ZNF684: variants seen among roughly 807,000 people sequenced by gnomAD.
ZNF684 encodes zinc finger protein 684.
Under a neutral mutation model 12.8 loss-of-function variants are expected in ZNF684, and 13 were observed. The observed-to-expected ratio is 1.02, with a 90% CI of 0.66 to 1.62. ZNF684 has a LOEUF of 1.62. Among genes scored for constraint, ZNF684 ranks in the 40% most tolerant of loss-of-function variants. The probability of loss-of-function intolerance (pLI) is 0.00; values close to 1 mark genes in which losing one functional copy is unlikely to be tolerated. For synonymous variants in ZNF684, 118 were observed against 151.8 expected, an observed-to-expected ratio of 0.78 and a Z score of 1.64; for missense variants, 384 against 446.9, an observed-to-expected ratio of 0.86 and a Z score of 1.27.
intron 4 of ZNF684, among the ~76,000 whole-genome samples, chr1:40,543,458 C>CTT (rs200468567): frequency 3.0e-5 from 4 of 132,726 alleles, no homozygotes; most frequent in African/African-American, 1.1e-4. Context: ...ATACAGTTTT[C>CTT]TTTTTTTTTT....
At chr1:40,531,943 G>A (rs552104110) in intron 1 of ZNF684, among the ~76,000 whole-genome samples, 156 bp downstream of exon 1, 1 of 152,338 alleles carries the variant, frequency 6.6e-6, no homozygotes, top group Admixed American at 6.5e-5. Flanking sequence ...GAAAGCAAGA[G>A]TTGGGCTCCG....
At chr1:40,543,371 A>G (rs6678295) in intron 4 of ZNF684, among the ~76,000 whole-genome samples, 71,905 of 151,628 alleles carry the variant, frequency 0.47, 18,417 homozygotes, top group African/African-American at 0.65. Flanking sequence ...CCTCTATAAC[A>G]TGGTCCCATT....
At position 40,547,441 on chromosome 1, in the gene ZNF684, A is replaced by T. The variant is rs773429442; in HGVS notation, c.1118A>T (p.His373Leu). 4 of 1,602,130 alleles carry T rather than the reference A, an allele frequency of 2.5e-6. No individual in the cohort carries two copies. Among genetic ancestry groups the T allele is most frequent in the East Asian group, 2.2e-5 (1 of 44,632 alleles). ...AFSQKSNLIV[H>L]QKIHT is the part of the protein sequence containing the mutation. The stretch of plus-strand genomic sequence containing the variant: ...TCCCAGAAGTCAAATCTTATTGTAC[A>T]TCAGAAAATTCATACATAATATTCA... The change falls in exon 5 of 5, where the codon CAT becomes CTT. Residue 373 changes from histidine to leucine, a missense_variant. His to Leu is a moderately conservative substitution (Grantham distance 99, BLOSUM62 -3). Coordinates refer to ENST00000372699, the MANE Select transcript of ZNF684 (RefSeq NM_152373.4).
intron 2 of ZNF684, among the ~76,000 whole-genome samples, chr1:40,539,412 C>T (rs142455324): frequency 5.3e-4 from 81 of 152,170 alleles, no homozygotes; most frequent in African/African-American, 1.7e-3. Context: ...GTAGGAAGAT[C>T]GCTTGAGTCC....
rs113924805 is a variant in ZNF684, at chr1:40,535,627, A to G, written c.15+2446A>G. On this transcript the variant is annotated intron_variant, in intron 2 of 4. Transcript: ENST00000372699. Reference sequence around the variant, plus strand: ...TATTTTGTTTTTAATCAAGTTAAGGATTTTTAACTTGCAAAGATTATTTTA... The same window carrying G: ...TATTTTGTTTTTAATCAAGTTAAGGGTTTTTAACTTGCAAAGATTATTTTA... 1.6e-3 allele frequency among the ~76,000 whole-genome samples: 242 copies of G among 151,518 alleles called. 3 individuals are homozygous for G. The highest frequency in any genetic ancestry group is 2.0e-3 in the Non-Finnish European group (138 of 67,936).
chr1:40,534,614 A>T (rs1361602180), intron 2 of ZNF684, among the ~76,000 whole-genome samples: 1 of 151,942 alleles, frequency 6.6e-6, no homozygotes, highest in Non-Finnish European at 1.5e-5. Flanking sequence ...TTATTCTTAC[A>T]TATGGTTTTA....
intron 4 of ZNF684, among the ~76,000 whole-genome samples, chr1:40,543,519 A>T (rs1570112937): frequency 6.8e-6 from 1 of 146,656 alleles, no homozygotes; most frequent in Admixed American, 6.9e-5. Context: ...TGCAGTTGCG[A>T]GATCTGGGCT....
chr1:40,546,813 T>A lies in ZNF684; in HGVS notation c.490T>A (p.Cys164Ser). ...AGAAAACGCTTATGAATGCAGTGAA[T>A]GCGGGAAAGCCTTCAAAAAGAAGTT... ...TVENAYECSE[C>S]GKAFKKKFHF... The change falls in exon 5 of 5, where the codon TGC becomes AGC. Residue 164 changes from cysteine (C) to serine (S), a missense_variant. Physicochemically the swap from Cys to Ser is moderately radical, Grantham distance 112. Transcript: ENST00000372699. The A allele has an allele frequency of 6.2e-7, 1 of 1,611,942 alleles. No individual in the cohort carries two copies. The highest frequency in any genetic ancestry group is 8.5e-7 in the Non-Finnish European group (1 of 1,179,546).
chr1:40,544,061 A>G (rs1010614842), intron 4 of ZNF684, among the ~76,000 whole-genome samples: 3 of 151,808 alleles, frequency 2.0e-5, no homozygotes, highest in South Asian at 4.2e-4. Flanking sequence ...ATGGTATCCA[A>G]TGAATATTTT....
At chr1:40,535,372 AT>A (rs545336155) in intron 2 of ZNF684, among the ~76,000 whole-genome samples, 5 of 151,462 alleles carry the variant, frequency 3.3e-5, no homozygotes, top group African/African-American at 9.7e-5. Context: ...AGAATACTGT[AT>A]TTTTTTTTAT....
chr1:40,547,064 A>G lies in ZNF684; in HGVS notation c.741A>G (p.Gln247=), dbSNP rs1391854247. The G allele has an allele frequency of 1.2e-5, 20 of 1,614,214 alleles. No individual in the cohort carries two copies. Among genetic ancestry groups the G allele is most frequent in the Admixed American group, 6.7e-5 (4 of 60,016 alleles). ...GAGAGAAGCCTTATGAGTGCAGTCA[A>G]TGTGGGAAAACATTCACTTGGAACT... ...HTGEKPYECS[Q]CGKTFTWNSS... is the part of the protein sequence containing the mutation. The change falls in exon 5 of 5, where the codon CAA becomes CAG. Residue 247 remains glutamine, a synonymous_variant. Coordinates refer to ENST00000372699, the MANE Select transcript of ZNF684 (RefSeq NM_152373.4).
At chr1:40,541,546 AC>A in intron 3 of ZNF684, 68 bp from the exon 4 acceptor site, 1 of 1,265,064 alleles carries the variant, frequency 7.9e-7, no homozygotes, top group Non-Finnish European at 1.1e-6. Flanking sequence ...CAAGGAGGTA[AC>A]CCAAGTTGTG....
chr1:40,542,741 G>A (rs1026880375), intron 4 of ZNF684, among the ~76,000 whole-genome samples: 2 of 152,008 alleles, frequency 1.3e-5, no homozygotes, highest in African/African-American at 4.8e-5. Context: ...AATAATGAAT[G>A]GCCCCCTGCT....
intron 2 of ZNF684, among the ~76,000 whole-genome samples, chr1:40,539,186 C>T (rs1163753449): frequency 6.6e-6 from 1 of 151,974 alleles, no homozygotes; most frequent in Non-Finnish European, 1.5e-5. Context: ...CATGCCACCA[C>T]ACCCGGCTGA....
intron 4 of ZNF684, among the ~76,000 whole-genome samples, chr1:40,542,821 A>G (rs544969174): frequency 5.9e-5 from 9 of 152,194 alleles, no homozygotes; most frequent in Non-Finnish European, 1.0e-4. Context: ...CTTAAATATG[A>G]TACTAACTTA....
chr1:40,534,282 C>T (rs914813935), intron 2 of ZNF684, among the ~76,000 whole-genome samples: 3 of 145,414 alleles, frequency 2.1e-5, no homozygotes, highest in Non-Finnish European at 4.5e-5. Flanking sequence ...ACTCTGTTAC[C>T]CAGGCTGGAG....
At position 40,533,142 on chromosome 1, in the gene ZNF684, G is replaced by A; in HGVS notation, c.-24-1G>A. 1 of 1,612,576 alleles carries A rather than the reference G, an allele frequency of 6.2e-7. No individual in the cohort carries two copies. Among genetic ancestry groups the A allele is most frequent in the East Asian group, 2.2e-5 (1 of 44,852 alleles). Reference sequence around the variant, plus strand: ...TCTCTTCCCCATTTCTACTTTCATAGATTTCTGTGTAAGAGCTGCAGAAAA... The same window carrying A: ...TCTCTTCCCCATTTCTACTTTCATAAATTTCTGTGTAAGAGCTGCAGAAAA... On this transcript the variant is annotated splice_acceptor_variant, in intron 1 of 4. Transcript: ENST00000372699. LOFTEE classifies it low-confidence loss of function (5UTR_SPLICE).
intron 4 of ZNF684, 26 bp from the exon 5 acceptor site, chr1:40,546,536 G>T: frequency 6.7e-7 from 1 of 1,502,566 alleles, no homozygotes; most frequent in South Asian, 1.4e-5. Context: ...AAGTAACTAG[G>T]AATGTTTTGT....
chr1:40,533,054 C>G, intron 1 of ZNF684, 89 bp from the exon 2 acceptor site: 1 of 1,087,630 alleles, frequency 9.2e-7, no homozygotes, highest in Non-Finnish European at 1.4e-6. Context: ...AGTGTGGGTA[C>G]TTATGGTCTG....
Sources: gnomAD v4.1 joint callset for allele counts (sites outside exome capture counted in the v4.1 genomes callset) on GRCh38, gnomAD v4.1.1 for gene constraint, MANE v1.5 for transcripts, NCBI Gene and HGNC (gene_info 2026-07-23, HGNC 2026-07-21) for gene names.